Variants in EXOC6B observed in about 807,000 individuals in gnomAD.
The protein encoded by EXOC6B is exocyst complex component 6B.
EXOC6B carries 54 observed loss-of-function variants against 113.5 expected under a neutral mutation model. That is an observed-to-expected ratio of 0.48 (90% CI 0.38 to 0.60). The LOEUF is 0.60. Among genes scored for constraint, EXOC6B ranks in the 20% least tolerant of loss-of-function variants. The pLI is 0.00. For synonymous variants in EXOC6B, 357 were observed against 339.0 expected, an observed-to-expected ratio of 1.05 and a Z score of -0.58; for missense variants, 797 against 977.5, an observed-to-expected ratio of 0.82 and a Z score of 2.46.
intron 18 of EXOC6B, among the ~76,000 whole-genome samples, chr2:72,436,731 C>T (rs1695896117): frequency 6.6e-6 from 1 of 152,084 alleles, no homozygotes; most frequent in Non-Finnish European, 1.5e-5. Flanking sequence ...AGTTCTCGTG[C>T]TGTGTTTTTC....
chr2:72,706,804 C>A (rs1440165689), intron 6 of EXOC6B, among the ~76,000 whole-genome samples: 1 of 152,128 alleles, frequency 6.6e-6, no homozygotes, highest in East Asian at 1.9e-4. Context: ...TGACCCCTTC[C>A]CTTGAGTATA....
intron 6 of EXOC6B, among the ~76,000 whole-genome samples, chr2:72,631,494 AG>A (rs1672461801): frequency 1.5e-5 from 2 of 130,044 alleles, no homozygotes; most frequent in Non-Finnish European, 3.2e-5. Context: ...AGAGAGAGAG[AG>A]AGAGAGAGAG....
chr2:72,561,001 A>C (rs1269744073), intron 7 of EXOC6B, among the ~76,000 whole-genome samples: 1 of 152,086 alleles, frequency 6.6e-6, no homozygotes, highest in Non-Finnish European at 1.5e-5. Flanking sequence ...TTAATAACAC[A>C]AAGAGTCCAC....
intron 20 of EXOC6B, among the ~76,000 whole-genome samples, chr2:72,328,034 C>A (rs1032692856): frequency 1.3e-5 from 2 of 152,076 alleles, no homozygotes; most frequent in Non-Finnish European, 2.9e-5. Context: ...AGCCTATTCT[C>A]ATGGTGTTCC....
intron 5 of EXOC6B, among the ~76,000 whole-genome samples, chr2:72,728,273 G>C (rs1680424620): frequency 6.6e-6 from 1 of 152,156 alleles, no homozygotes; most frequent in Non-Finnish European, 1.5e-5. Context: ...AGAAAATGCA[G>C]AATCTCAGAA....
At chr2:72,183,402 A>C (rs889993727) in intron 21 of EXOC6B, among the ~76,000 whole-genome samples, 1 of 152,214 alleles carries the variant, frequency 6.6e-6, no homozygotes, top group Non-Finnish European at 1.5e-5. Flanking sequence ...CATATTTGTT[A>C]GCCCTGAGAT....
chr2:72,225,306 T>C (rs1169741291), intron 20 of EXOC6B, among the ~76,000 whole-genome samples: 1 of 152,194 alleles, frequency 6.6e-6, no homozygotes, highest in Non-Finnish European at 1.5e-5. Context: ...CAGAAAATTA[T>C]AACAAAACAA....
chr2:72,276,930 T>C (rs979298178), intron 20 of EXOC6B, among the ~76,000 whole-genome samples: 3 of 152,200 alleles, frequency 2.0e-5, no homozygotes, highest in African/African-American at 7.2e-5. Flanking sequence ...TACAGCCTGA[T>C]ATGCCTTGTC....
intron 6 of EXOC6B, among the ~76,000 whole-genome samples, chr2:72,619,456 A>G (rs1007567653): frequency 1.3e-5 from 2 of 152,210 alleles, no homozygotes; most frequent in African/African-American, 4.8e-5. Context: ...ACAGGATAAC[A>G]TATGAGTAAC....
intron 18 of EXOC6B, among the ~76,000 whole-genome samples, chr2:72,453,640 G>A (rs915006968): frequency 2.6e-5 from 4 of 152,136 alleles, no homozygotes; most frequent in African/African-American, 9.6e-5. Flanking sequence ...CTGAATAATA[G>A]TATTAAAGTT....
intron 6 of EXOC6B, among the ~76,000 whole-genome samples, chr2:72,643,402 G>T (rs1412305357): frequency 6.8e-6 from 1 of 148,116 alleles, no homozygotes; most frequent in Non-Finnish European, 1.5e-5. Context: ...AGAAAATGTG[G>T]CACATATACA....
intron 18 of EXOC6B, among the ~76,000 whole-genome samples, chr2:72,460,948 G>C (rs1697605255): frequency 6.6e-6 from 1 of 151,256 alleles, no homozygotes; most frequent in Non-Finnish European, 1.5e-5. Flanking sequence ...GCAAAGACTT[G>C]GAACCAACCC....
chr2:72,429,475 G>A (rs1002775197), intron 18 of EXOC6B, among the ~76,000 whole-genome samples: 7 of 152,150 alleles, frequency 4.6e-5, no homozygotes, highest in South Asian at 2.1e-4. Context: ...ATCATAGCAG[G>A]TAAGACATTA....
chr2:72,317,559 T>TCA (rs72124979), intron 20 of EXOC6B, among the ~76,000 whole-genome samples: 7,917 of 140,564 alleles, frequency 0.056, 219 homozygotes, highest in East Asian at 0.077. Flanking sequence ...TATGAACACA[T>TCA]CACACACACA....
intron 20 of EXOC6B, among the ~76,000 whole-genome samples, chr2:72,310,850 AACACACACACACACAC>A (rs375159478): frequency 2.2e-4 from 27 of 120,354 alleles, no homozygotes; most frequent in Middle Eastern, 4.0e-3. Flanking sequence ...TATTTCATTT[AACACACACACACACAC>A]ACACACACAC....
intron 6 of EXOC6B, among the ~76,000 whole-genome samples, chr2:72,674,961 T>C (rs977307310): frequency 6.6e-6 from 1 of 152,262 alleles, no homozygotes; most frequent in Non-Finnish European, 1.5e-5. Flanking sequence ...GTAACAATGA[T>C]ATTTAAATGC....
intron 6 of EXOC6B, among the ~76,000 whole-genome samples, chr2:72,692,631 G>A (rs561450525): frequency 3.3e-5 from 5 of 152,250 alleles, no homozygotes; most frequent in Non-Finnish European, 5.9e-5. Flanking sequence ...AATTACAGCC[G>A]TGAGCCGCTG....
At chr2:72,356,104 C>T (rs992337879) in intron 19 of EXOC6B, among the ~76,000 whole-genome samples, 2 of 152,134 alleles carry the variant, frequency 1.3e-5, no homozygotes, top group African/African-American at 4.8e-5. Context: ...GTGCTGTTTG[C>T]TACAATGATT....
At chr2:72,573,901 G>T (rs1012137503) in intron 7 of EXOC6B, among the ~76,000 whole-genome samples, 18 of 152,002 alleles carry the variant, frequency 1.2e-4, no homozygotes, top group Non-Finnish European at 2.4e-4. Flanking sequence ...GGATCACGAC[G>T]TCGGGTGATC....
Sources: gnomAD v4.1 joint callset for allele counts (sites outside exome capture counted in the v4.1 genomes callset) on GRCh38, gnomAD v4.1.1 for gene constraint, MANE v1.5 for transcripts, NCBI Gene and HGNC (gene_info 2026-07-23, HGNC 2026-07-21) for gene names.